Variants in FRMD5 observed in about 807,000 individuals in gnomAD.
FRMD5 encodes FERM domain-containing protein 5.
In FRMD5, 20 loss-of-function variants were observed where a neutral mutation model predicts 69.0. The observed-to-expected ratio is 0.29, with a 90% CI of 0.20 to 0.42. The LOEUF (loss-of-function observed/expected upper bound fraction) is 0.42. FRMD5 is among the 10% of genes least tolerant of loss of function. FRMD5 has a pLI of 1.00. For missense variants in FRMD5, 595 were observed against 708.6 expected (o/e 0.84, Z 1.82); for synonymous variants, 271 against 260.1 (o/e 1.04, Z -0.40).
At chr15:44,088,793 C>A (rs2140473436) in intron 1 of FRMD5, among the ~76,000 whole-genome samples, 1 of 152,240 alleles carries the variant, frequency 6.6e-6, no homozygotes, top group South Asian at 2.1e-4. Flanking sequence ...AAGGAGGAAG[C>A]TGAGATTTAG....
intron 1 of FRMD5, among the ~76,000 whole-genome samples, chr15:44,031,269 C>G (rs539059678): frequency 6.6e-6 from 1 of 152,298 alleles, no homozygotes; most frequent in South Asian, 2.1e-4. Context: ...AAAAGCCACA[C>G]ACAACTGGAT....
Position 43,884,773 on chromosome 15 carries a change from T to C in FRMD5, c.982A>G (p.Met328Val), listed in dbSNP as rs2140357336. ...CGTTTGATCTTAGCACTTGATTCCA[T>C]GACTTCCTTTGCAACTCGGCCACTG... is the stretch of plus-strand genomic sequence containing the variant. ...RYSGRVAKEVMESSAKIKREP... is the reference protein window; with the variant it reads ...RYSGRVAKEVVESSAKIKREP... The change falls in exon 12 of 14, where the codon ATG (methionine) becomes GTG (valine). Residue 328 changes from methionine to valine, a missense_variant. By Grantham distance (21) the Met-to-Val change is conservative. Coordinates refer to ENST00000417257, the MANE Select transcript of FRMD5 (RefSeq NM_032892.5). The C allele has an allele frequency of 1.9e-6, 3 of 1,614,164 alleles. No individual in the cohort carries two copies. Among genetic ancestry groups the C allele is most frequent in the East Asian group, 2.2e-5 (1 of 44,878 alleles).
At chr15:44,183,685 AC>A (rs2078050113) in intron 1 of FRMD5, among the ~76,000 whole-genome samples, 1 of 152,126 alleles carries the variant, frequency 6.6e-6, no homozygotes. Flanking sequence ...AGCTACAACA[AC>A]AAAAAATAGA....
intron 1 of FRMD5, among the ~76,000 whole-genome samples, chr15:44,101,821 T>C (rs2076645350): frequency 6.6e-6 from 1 of 152,186 alleles, no homozygotes; most frequent in Non-Finnish European, 1.5e-5. Context: ...ACCAACTCTA[T>C]CAGAAACACC....
chr15:43,891,947 A>G, intron 8 of FRMD5, 34 bp downstream of exon 8: 1 of 1,576,276 alleles, frequency 6.3e-7, no homozygotes. Flanking sequence ...TTGGTGAGAT[A>G]TAAAGAGCCT....
intron 1 of FRMD5, among the ~76,000 whole-genome samples, chr15:44,042,068 A>C (rs1409414673): frequency 1.3e-5 from 2 of 152,208 alleles, no homozygotes; most frequent in African/African-American, 2.4e-5. Flanking sequence ...GAGAAGAATC[A>C]AATAGATGCA....
chr15:43,926,587 A>C (rs1293894035), intron 1 of FRMD5, among the ~76,000 whole-genome samples: 1 of 152,122 alleles, frequency 6.6e-6, no homozygotes, highest in South Asian at 2.1e-4. Flanking sequence ...TCCAAGGAGA[A>C]CTAGGGCAGG....
At chr15:44,175,894 A>G (rs1417542132) in intron 1 of FRMD5, among the ~76,000 whole-genome samples, 2 of 152,312 alleles carry the variant, frequency 1.3e-5, no homozygotes, top group Middle Eastern at 6.8e-3. Flanking sequence ...AAATAAATGG[A>G]AATACATCCT....
intron 1 of FRMD5, among the ~76,000 whole-genome samples, chr15:44,138,328 C>A (rs1178606851): frequency 6.6e-6 from 1 of 152,080 alleles, no homozygotes; most frequent in Non-Finnish European, 1.5e-5. Context: ...AGTGCAATCT[C>A]AGTACCAATC....
intron 1 of FRMD5, among the ~76,000 whole-genome samples, chr15:44,038,006 A>C (rs979855105): frequency 6.6e-6 from 1 of 152,128 alleles, no homozygotes; most frequent in African/African-American, 2.4e-5. Context: ...CTGGTGTGAG[A>C]TGTTATCTCA....
intron 1 of FRMD5, among the ~76,000 whole-genome samples, chr15:44,014,046 TG>T (rs1890846418): frequency 6.6e-6 from 1 of 151,840 alleles, no homozygotes; most frequent in Non-Finnish European, 1.5e-5. Flanking sequence ...TTAGTAGAGA[TG>T]GGGTTTCACC....
At chr15:43,977,894 AACAG>A (rs1369063691) in intron 1 of FRMD5, among the ~76,000 whole-genome samples, 1 of 152,158 alleles carries the variant, frequency 6.6e-6, no homozygotes, top group African/African-American at 2.4e-5. Context: ...CCATACCTTT[AACAG>A]ACAGTAACAA....
chr15:44,009,535 T>G (rs1205279291), intron 1 of FRMD5, among the ~76,000 whole-genome samples: 1 of 152,004 alleles, frequency 6.6e-6, no homozygotes, highest in African/African-American at 2.4e-5. Flanking sequence ...AAAAATTAGC[T>G]AGGCATGGTG....
chr15:43,977,419 A>G (rs374189886), intron 1 of FRMD5, among the ~76,000 whole-genome samples: 2 of 151,990 alleles, frequency 1.3e-5, no homozygotes, highest in South Asian at 4.2e-4. Context: ...GTTCTCTTTG[A>G]CTACTTCCTG....
At chr15:44,107,873 A>T (rs2076741785) in intron 1 of FRMD5, among the ~76,000 whole-genome samples, 1 of 152,248 alleles carries the variant, frequency 6.6e-6, no homozygotes, top group South Asian at 2.1e-4. Flanking sequence ...TTGCTCCTAC[A>T]GCAACAAAAG....
intron 1 of FRMD5, among the ~76,000 whole-genome samples, chr15:44,190,160 A>T (rs1163829877): frequency 6.6e-6 from 1 of 152,198 alleles, no homozygotes; most frequent in Non-Finnish European, 1.5e-5. Context: ...AGCCTTAACT[A>T]GACACATTTG....
At chr15:43,983,673 A>T (rs1408317082) in intron 1 of FRMD5, among the ~76,000 whole-genome samples, 2 of 152,232 alleles carry the variant, frequency 1.3e-5, no homozygotes, top group Admixed American at 6.5e-5. Flanking sequence ...AGCCCTAAAC[A>T]AACTGTGCAA....
At chr15:43,902,889 T>C (rs765329601) in intron 6 of FRMD5, among the ~76,000 whole-genome samples, 2 of 152,214 alleles carry the variant, frequency 1.3e-5, no homozygotes, top group African/African-American at 4.8e-5. Context: ...GGGGCTCATA[T>C]AGCTTGCTGG....
chr15:44,014,289 AT>A (rs1890856970), intron 1 of FRMD5, among the ~76,000 whole-genome samples: 1 of 152,122 alleles, frequency 6.6e-6, no homozygotes, highest in South Asian at 2.1e-4. Flanking sequence ...TAAGGCTGGT[AT>A]TCATCCAAAC....
Sources: allele counts gnomAD v4.1 joint callset (sites outside exome capture counted in the v4.1 genomes callset), GRCh38; gene constraint gnomAD v4.1.1; transcripts MANE v1.5; gene names NCBI Gene and HGNC (gene_info 2026-07-23, HGNC 2026-07-21).